The following ARHGAP23 variants were observed in gnomAD, a reference collection of about 807,000 sequenced individuals.
ARHGAP23 encodes the protein rho GTPase-activating protein 23.
A neutral mutation model predicts 136.3 loss-of-function variants in ARHGAP23; 34 were observed. That is an observed-to-expected ratio of 0.25 (90% confidence interval 0.19 to 0.33). The LOEUF (loss-of-function observed/expected upper bound fraction) is 0.33, where lower values mean the gene tolerates loss of function less well. Among genes scored for constraint, ARHGAP23 ranks in the 10% least tolerant of loss-of-function variants. ARHGAP23 has a pLI of 1.00. For synonymous variants in ARHGAP23, 832 were observed against 920.5 expected (o/e 0.90, Z 1.74); for missense variants, 1,808 against 2,139.0 (o/e 0.85, Z 3.05).
chr17:38,436,237 T>C (rs1188134368), intron 1 of ARHGAP23, among the ~76,000 whole-genome samples: 1 of 152,116 alleles, frequency 6.6e-6, no homozygotes, highest in Non-Finnish European at 1.5e-5. Context: ...GTTGCCAACA[T>C]GAGGGAGAAA....
intron 1 of ARHGAP23, among the ~76,000 whole-genome samples, chr17:38,441,537 C>A (rs3885327): frequency 6.6e-6 from 1 of 152,058 alleles, no homozygotes; most frequent in African/African-American, 2.4e-5. Flanking sequence ...GAAACTGAGG[C>A]CCCAGAGAGG....
In ARHGAP23 at chr17:38,477,133, G is replaced by T. The variant is rs2039911619; in HGVS notation, c.2119-446G>T. Among the ~76,000 whole-genome samples, 2 of 152,126 alleles carry T rather than the reference G, an allele frequency of 1.3e-5. No homozygotes were observed. Among genetic ancestry groups the T allele is most frequent in the South Asian group, 4.1e-4 (2 of 4,830 alleles). On this transcript the variant is annotated intron_variant, in intron 11 of 23. Coordinates refer to ENST00000622683, the MANE Select transcript of ARHGAP23 (RefSeq NM_001199417.2). This position sits in a 1 kb window ranked among gnomAD's most constrained non-coding sequence, Gnocchi z 6.6. ...GAGCTTCTGGGCAAGTGGAGTCTTG[G>T]GTGGGCGGCAGGAAAGTGGGGAGAA...
Position 38,467,022 on chromosome 17 carries a change from C to A in ARHGAP23, c.1339C>A (p.Pro447Thr), listed in dbSNP as rs1400926130. The A allele has an allele frequency of 3.2e-6, 5 of 1,550,846 alleles. No homozygotes were observed. The highest frequency in any genetic ancestry group is 1.7e-4 in the Middle Eastern group (1 of 5,992). ...CCGGGACTCACCCTTTGGGGGGCTG[C>A]CTACCTTCAACCTGGCCCAGTCCCC... The part of the protein sequence containing the change: ...SFRDSPFGGL[P>T]TFNLAQSPAS... Residue 447 changes from proline (P) to threonine (T), a missense_variant, in exon 7 of 24, where the codon CCT (proline) becomes ACT (threonine). Physicochemically the swap from Pro to Thr is conservative, Grantham distance 38. Coordinates refer to ENST00000622683, the MANE Select transcript of ARHGAP23 (RefSeq NM_001199417.2).
At chr17:38,463,076 T>C (rs959209681) in intron 4 of ARHGAP23, 42 bp from the exon 5 acceptor site, 3 of 1,547,586 alleles carry the variant, frequency 1.9e-6, no homozygotes, top group Admixed American at 4.0e-5. Context: ...GATGGGGCCT[T>C]TGATGCCCTT....
chr17:38,462,625 T>C (rs2039488845), intron 3 of ARHGAP23, among the ~76,000 whole-genome samples: 1 of 152,224 alleles, frequency 6.6e-6, no homozygotes, highest in Non-Finnish European at 1.5e-5. Flanking sequence ...AGTGACTCTT[T>C]GTATGTCCCC....
chr17:38,496,491 T>C (rs1597840348), intron 20 of ARHGAP23, among the ~76,000 whole-genome samples: 2 of 152,084 alleles, frequency 1.3e-5, no homozygotes, highest in East Asian at 3.8e-4. Flanking sequence ...AATACATAAA[T>C]ACAATAAAAG....
At chr17:38,441,628 A>G (rs186016397) in intron 1 of ARHGAP23, among the ~76,000 whole-genome samples, 175 of 152,354 alleles carry the variant, frequency 1.1e-3, no homozygotes, top group Non-Finnish European at 2.1e-4. Flanking sequence ...CACAGCTTCA[A>G]TCCTGAGCTG....
chr17:38,499,647 G>A (rs2040477174), intron 22 of ARHGAP23, among the ~76,000 whole-genome samples: 1 of 152,138 alleles, frequency 6.6e-6, no homozygotes, highest in South Asian at 2.1e-4. Flanking sequence ...GGGACCCCAT[G>A]TCTCTTCTAA....
chr17:38,501,282 CT>C (rs2040513019), intron 23 of ARHGAP23, among the ~76,000 whole-genome samples: 1 of 150,750 alleles, frequency 6.6e-6, no homozygotes, highest in Non-Finnish European at 1.5e-5. Context: ...CTACAGACCC[CT>C]AAGTTATTTT....
intron 1 of ARHGAP23, among the ~76,000 whole-genome samples, chr17:38,434,616 C>T (rs936610031): frequency 2.0e-5 from 3 of 152,188 alleles, no homozygotes; most frequent in Non-Finnish European, 2.9e-5. Flanking sequence ...GCTGGGAGAC[C>T]GCGTGGGAGC....
At chr17:38,438,971 C>T (rs1373533825) in intron 1 of ARHGAP23, among the ~76,000 whole-genome samples, 3 of 150,716 alleles carry the variant, frequency 2.0e-5, no homozygotes, top group Non-Finnish European at 3.0e-5. Flanking sequence ...GCAAATAGAG[C>T]GAAACTCCAT....
At chr17:38,440,622 G>A (rs953803638) in intron 1 of ARHGAP23, among the ~76,000 whole-genome samples, 3 of 152,182 alleles carry the variant, frequency 2.0e-5, no homozygotes, top group African/African-American at 4.8e-5. Flanking sequence ...CCCCTAGCCC[G>A]GTGCCAGGCC....
intron 1 of ARHGAP23, among the ~76,000 whole-genome samples, chr17:38,432,186 T>C (rs539459703): frequency 1.3e-5 from 2 of 152,312 alleles, no homozygotes; most frequent in Non-Finnish European, 2.9e-5. Context: ...TAGCAACTTC[T>C]TCCATAGTGC....
chr17:38,470,046 G>C (rs1487358917), intron 10 of ARHGAP23, 142 bp downstream of exon 10: 3 of 1,122,948 alleles, frequency 2.7e-6, no homozygotes, highest in Non-Finnish European at 3.8e-6. Flanking sequence ...CCTCACCCTC[G>C]TGTCCACCGC....
intron 1 of ARHGAP23, 191 bp from the exon 2 acceptor site, chr17:38,457,911 A>T: frequency 1.6e-6 from 1 of 635,304 alleles, no homozygotes. Flanking sequence ...GGAAAAAGCT[A>T]TTGGGCTGAT....
In ARHGAP23 at chr17:38,500,586, T is replaced by C; in HGVS notation, c.3416-11T>C. 1.3e-6 allele frequency: 2 copies of C among 1,549,136 alleles called. No individual in the cohort carries two copies. Among genetic ancestry groups the C allele is most frequent in the Non-Finnish European group, 1.7e-6 (2 of 1,146,500 alleles). On this transcript the variant is annotated splice_polypyrimidine_tract_variant and intron_variant, in intron 22 of 23. Transcript: ENST00000622683. The stretch of plus-strand genomic sequence containing the variant: ...GCAACTTTCATTTTTTTTTCTGTCT[T>C]TCACCAACAGATTCTACCACCTGTA...
At chr17:38,481,292 G>A (rs1272529735) in intron 14 of ARHGAP23, among the ~76,000 whole-genome samples, 4 of 151,942 alleles carry the variant, frequency 2.6e-5, no homozygotes, top group African/African-American at 4.8e-5. Flanking sequence ...GACTACAGGC[G>A]CCCACCACCA....
intron 10 of ARHGAP23, among the ~76,000 whole-genome samples, chr17:38,470,260 A>C (rs1342398595): frequency 6.7e-6 from 1 of 149,072 alleles, no homozygotes; most frequent in African/African-American, 2.6e-5. Context: ...TCGCTACTCT[A>C]TGTTTTCCTC....
intron 16 of ARHGAP23, among the ~76,000 whole-genome samples, chr17:38,485,359 A>G (rs1330439016): frequency 6.6e-6 from 1 of 152,206 alleles, no homozygotes; most frequent in Non-Finnish European, 1.5e-5. Context: ...ATTTAGGGCC[A>G]TGTAAGTACC....
Sources: gnomAD v4.1 joint callset for allele counts (sites outside exome capture counted in the v4.1 genomes callset) on GRCh38, gnomAD v4.1.1 for gene constraint, Gnocchi (gnomAD v3.1) non-coding constraint, MANE v1.5 for transcripts, NCBI Gene and HGNC (gene_info 2026-07-23, HGNC 2026-07-21) for gene names.